AP4S1: variants seen among roughly 807,000 people sequenced by gnomAD.
The protein encoded by AP4S1 is AP-4 complex subunit sigma-1.
Under a neutral mutation model 19.8 loss-of-function variants are expected in AP4S1, and 23 were observed. The ratio of observed to expected loss-of-function variants is 1.16; its 90% CI spans 0.84 to 1.65. The LOEUF is 1.65. AP4S1 is among the 40% of genes most tolerant of loss of function. AP4S1 has a pLI of 0.00. For missense variants in AP4S1, 166 were observed against 172.8 expected (o/e 0.96, Z 0.22); for synonymous variants, 46 against 54.1 (o/e 0.85, Z 0.66).
chr14:31,038,069 C>T (rs1566512806), intron 1 of AP4S1, among the ~76,000 whole-genome samples: 1 of 152,142 alleles, frequency 6.6e-6, no homozygotes, highest in Non-Finnish European at 1.5e-5. Flanking sequence ...AGCAGGCCAC[C>T]TGAAAAGTCT....
At chr14:31,069,569 C>T (rs1469869124) in intron 2 of AP4S1, among the ~76,000 whole-genome samples, 1 of 152,174 alleles carries the variant, frequency 6.6e-6, no homozygotes. Context: ...TGCTGACTTC[C>T]ACGCAGAGCA....
At chr14:31,058,781 T>TCCCAGGCTGGTCCCCAACTAG (rs1440901331) in intron 1 of AP4S1, among the ~76,000 whole-genome samples, 1 of 151,202 alleles carries the variant, frequency 6.6e-6, no homozygotes, top group Non-Finnish European at 1.5e-5. Context: ...TCACTGTATT[T>TCCCAGGCTGGTCCCCAACTAG]CCCAGGCTGG....
chr14:31,073,455 A>T (rs1464130559), intron 4 of AP4S1, among the ~76,000 whole-genome samples: 1 of 142,766 alleles, frequency 7.0e-6, no homozygotes, highest in Non-Finnish European at 1.5e-5. Flanking sequence ...CCGCCACTGC[A>T]CTCCAGCCTG....
chr14:31,046,837 C>G (rs1253358621), intron 1 of AP4S1, among the ~76,000 whole-genome samples: 1 of 142,388 alleles, frequency 7.0e-6, no homozygotes, highest in Non-Finnish European at 1.5e-5. Flanking sequence ...CAGAGCGAGA[C>G]TCCGTCTCAA....
intron 2 of AP4S1, among the ~76,000 whole-genome samples, chr14:31,068,736 A>C (rs539847692): frequency 1.3e-5 from 2 of 152,318 alleles, no homozygotes; most frequent in East Asian, 1.9e-4. Context: ...AAAGGAGCCC[A>C]CTGGGCTTTT....
chr14:31,032,424 T>C (rs1884453241), intron 1 of AP4S1, among the ~76,000 whole-genome samples: 1 of 152,124 alleles, frequency 6.6e-6, no homozygotes. Context: ...AAAACTCAAA[T>C]GTCTTCTTAT....
At chr14:31,076,040 A>G (rs1417613045) in intron 4 of AP4S1, among the ~76,000 whole-genome samples, 1 of 152,136 alleles carries the variant, frequency 6.6e-6, no homozygotes, top group Non-Finnish European at 1.5e-5. Flanking sequence ...CTGGCCGGAT[A>G]TACCAAATTT....
chr14:31,088,988 C>A (rs969147404), intron 5 of AP4S1, among the ~76,000 whole-genome samples: 2 of 151,604 alleles, frequency 1.3e-5, no homozygotes, highest in African/African-American at 4.8e-5. Context: ...ATAGTGAAAC[C>A]CCGTTCCTCC....
At chr14:31,043,402 GA>G in intron 1 of AP4S1, among the ~76,000 whole-genome samples, 1 of 152,254 alleles carries the variant, frequency 6.6e-6, no homozygotes, top group South Asian at 2.1e-4. Flanking sequence ...GAGAGACTGA[GA>G]GGGGGTAGTG....
intron 1 of AP4S1, among the ~76,000 whole-genome samples, chr14:31,028,183 AT>A (rs56698419): frequency 0.54 from 79,427 of 147,750 alleles, 22,370 homozygotes; most frequent in African/African-American, 0.74. Context: ...TATTTTATTT[AT>A]TTTTTTTTTT....
At chr14:31,056,437 C>T (rs1886122294) in intron 1 of AP4S1, among the ~76,000 whole-genome samples, 1 of 152,028 alleles carries the variant, frequency 6.6e-6, no homozygotes, top group African/African-American at 2.4e-5. Flanking sequence ...CAGCTCACTG[C>T]AACCTCCGCC....
At chr14:31,060,595 T>C (rs1276518487) in intron 1 of AP4S1, among the ~76,000 whole-genome samples, 1 of 152,160 alleles carries the variant, frequency 6.6e-6, no homozygotes, top group East Asian at 1.9e-4. Flanking sequence ...TTTTAAGCAA[T>C]GCCTTCTCCT....
At chr14:31,078,846 A>G (rs913413967) in intron 4 of AP4S1, among the ~76,000 whole-genome samples, 12 of 152,306 alleles carry the variant, frequency 7.9e-5, no homozygotes, top group Non-Finnish European at 1.5e-4. Flanking sequence ...AAAAAGAAGA[A>G]GAGGAAGAGG....
At chr14:31,074,597 T>C (rs8012582) in intron 4 of AP4S1, among the ~76,000 whole-genome samples, 10,344 of 151,152 alleles carry the variant, frequency 0.068, 362 homozygotes, top group Middle Eastern at 0.092. Flanking sequence ...GGCGTGAACC[T>C]GGGAGGCAGA....
chr14:31,060,267 G>A (rs1886362885), intron 1 of AP4S1, among the ~76,000 whole-genome samples: 1 of 151,986 alleles, frequency 6.6e-6, no homozygotes, highest in Non-Finnish European at 1.5e-5. Context: ...ATATGGGGCT[G>A]ATTTTTGTGT....
intron 4 of AP4S1, among the ~76,000 whole-genome samples, chr14:31,078,271 T>A (rs1004079303): frequency 2.0e-5 from 3 of 152,250 alleles, no homozygotes; most frequent in African/African-American, 7.2e-5. Flanking sequence ...AGTAAAACTT[T>A]CTGCAGAGAT....
intron 5 of AP4S1, among the ~76,000 whole-genome samples, chr14:31,090,915 TCAGATACA>T (rs1888060459): frequency 6.6e-6 from 1 of 152,168 alleles, no homozygotes; most frequent in African/African-American, 2.4e-5. Context: ...AGAGTTTGAG[TCAGATACA>T]CAGATACACA....
At chr14:31,058,766 G>A (rs1886275821) in intron 1 of AP4S1, among the ~76,000 whole-genome samples, 1 of 150,370 alleles carries the variant, frequency 6.7e-6, no homozygotes, top group African/African-American at 2.5e-5. Flanking sequence ...AGTAGACATG[G>A]CGTCTCACTG....
intron 5 of AP4S1, chr14:31,083,684 AT>A (rs1281441211): frequency 2.6e-6 from 1 of 386,408 alleles, no homozygotes; most frequent in Admixed American, 3.2e-5. Context: ...TTTTAAATTT[AT>A]TTTTTGAGGA....
Sources: allele counts gnomAD v4.1 joint callset (sites outside exome capture counted in the v4.1 genomes callset), GRCh38; gene constraint gnomAD v4.1.1; transcripts MANE v1.5; gene names NCBI Gene and HGNC (gene_info 2026-07-23, HGNC 2026-07-21).